The following TENM3 variants were observed in gnomAD, a reference collection of about 807,000 sequenced individuals.
The protein encoded by TENM3 is teneurin-3.
In TENM3, 63 loss-of-function variants were observed where a neutral mutation model predicts 255.1. The ratio of observed to expected loss-of-function variants is 0.25; its 90% CI spans 0.20 to 0.30. The LOEUF (loss-of-function observed/expected upper bound fraction) is 0.30. Among genes scored for constraint, TENM3 ranks in the 10% least tolerant of loss-of-function variants. TENM3 has a pLI of 1.00. For synonymous variants in TENM3, 1,306 were observed against 1,322.3 expected (o/e 0.99, Z 0.27); for missense variants, 2,929 against 3,461.1 (o/e 0.85, Z 3.86).
the TENM3 span, among the ~76,000 whole-genome samples, chr4:181,746,994 A>T: frequency 1.3e-5 from 2 of 152,064 alleles, no homozygotes. Context: ...GCATATGTAT[A>T]TATTTGAGAA....
chr4:181,491,043 CTGTT>C, the TENM3 span, among the ~76,000 whole-genome samples: 3 of 151,900 alleles, frequency 2.0e-5, no homozygotes, highest in Non-Finnish European at 4.4e-5. Flanking sequence ...AATTTTGACT[CTGTT>C]TGTAAGTTTT....
chr4:181,947,449 T>C, the TENM3 span, among the ~76,000 whole-genome samples: 1 of 152,200 alleles, frequency 6.6e-6, no homozygotes, highest in Non-Finnish European at 1.5e-5. Flanking sequence ...AGCGCTGGTA[T>C]TTCTACAATC....
chr4:181,908,413 C>T, the TENM3 span, among the ~76,000 whole-genome samples: 3 of 152,292 alleles, frequency 2.0e-5, no homozygotes, highest in East Asian at 1.9e-4. Context: ...AGCCCAACTA[C>T]ACTGTGCTCA....
At chr4:182,578,385 T>TTATGTTTCCTGCA (rs1395955044) in intron 3 of TENM3, among the ~76,000 whole-genome samples, 1 of 152,192 alleles carries the variant, frequency 6.6e-6, no homozygotes. Context: ...TTCCTGCATA[T>TTATGTTTCCTGCA]TGTTCTCCCC....
At chr4:181,472,728 G>A in the TENM3 span, among the ~76,000 whole-genome samples, 1 of 152,182 alleles carries the variant, frequency 6.6e-6, no homozygotes, top group Non-Finnish European at 1.5e-5. Context: ...GGAACATTGG[G>A]TCTTTGTTTC....
At chr4:181,862,583 G>C in the TENM3 span, among the ~76,000 whole-genome samples, 1 of 152,072 alleles carries the variant, frequency 6.6e-6, no homozygotes, top group African/African-American at 2.4e-5. Context: ...GACAAAAAGG[G>C]AGCAAAACAA....
At chr4:182,707,234 A>G (rs1182614055) in intron 12 of TENM3, among the ~76,000 whole-genome samples, 2 of 152,204 alleles carry the variant, frequency 1.3e-5, no homozygotes, top group South Asian at 2.1e-4. Context: ...GAGGGAAGAA[A>G]AAGGAAGAAT....
chr4:182,768,399 A>C (rs1187722636), intron 22 of TENM3, among the ~76,000 whole-genome samples: 2 of 152,196 alleles, frequency 1.3e-5, no homozygotes, highest in African/African-American at 4.8e-5. Context: ...AACAGTCTAA[A>C]TCACTTGATT....
At chr4:181,451,033 G>T in the TENM3 span, among the ~76,000 whole-genome samples, 1 of 151,986 alleles carries the variant, frequency 6.6e-6, no homozygotes, top group African/African-American at 2.4e-5. Flanking sequence ...TATCATCACC[G>T]TTTGTTCTGA....
At chr4:182,410,951 A>C (rs983087170) in intron 3 of TENM3, among the ~76,000 whole-genome samples, 24 of 152,226 alleles carry the variant, frequency 1.6e-4, no homozygotes, top group Non-Finnish European at 3.2e-4. Context: ...AATGTTCATG[A>C]AACGAGCATA....
chr4:182,591,926 G>A (rs1236513723), intron 3 of TENM3, among the ~76,000 whole-genome samples: 3 of 152,060 alleles, frequency 2.0e-5, no homozygotes, highest in African/African-American at 7.2e-5. Flanking sequence ...ATGAGTATAA[G>A]CACCTATTTC....
chr4:181,923,864 G>C, the TENM3 span, among the ~76,000 whole-genome samples: 1 of 152,046 alleles, frequency 6.6e-6, no homozygotes, highest in Non-Finnish European at 1.5e-5. Context: ...ACAGAATTTT[G>C]AACTTAAAAT....
chr4:181,601,596 TTACTCA>T, the TENM3 span, among the ~76,000 whole-genome samples: 1 of 152,218 alleles, frequency 6.6e-6, no homozygotes, highest in Non-Finnish European at 1.5e-5. Context: ...GGAAAACACT[TTACTCA>T]TAAAGTTGAG....
intron 7 of TENM3, among the ~76,000 whole-genome samples, chr4:182,678,826 T>C (rs1755860848): frequency 6.6e-6 from 1 of 152,230 alleles, no homozygotes; most frequent in South Asian, 2.1e-4. Flanking sequence ...TGGATGGAAC[T>C]GGAGCTCATT....
the TENM3 span, among the ~76,000 whole-genome samples, chr4:181,805,167 G>A: frequency 6.6e-6 from 1 of 152,116 alleles, no homozygotes; most frequent in Middle Eastern, 3.2e-3. Flanking sequence ...CCAAGAAAAA[G>A]CTTCAACAAC....
chr4:182,563,186 G>A (rs1198868609), intron 3 of TENM3, among the ~76,000 whole-genome samples: 2 of 152,104 alleles, frequency 1.3e-5, no homozygotes, highest in South Asian at 2.1e-4. Context: ...AGGTTGAGGC[G>A]GGTGGATCAC....
the TENM3 span, among the ~76,000 whole-genome samples, chr4:181,846,999 T>C: frequency 6.6e-6 from 1 of 152,218 alleles, no homozygotes; most frequent in East Asian, 1.9e-4. Context: ...TGCTGTCCCA[T>C]CCCCTAGGCC....
the TENM3 span, among the ~76,000 whole-genome samples, chr4:181,722,937 G>A: frequency 6.6e-6 from 1 of 152,040 alleles, no homozygotes; most frequent in African/African-American, 2.4e-5. Flanking sequence ...AATGGGCCAG[G>A]CTAGATGGAC....
the TENM3 span, among the ~76,000 whole-genome samples, chr4:182,032,037 C>T: frequency 6.6e-6 from 1 of 152,096 alleles, no homozygotes; most frequent in Non-Finnish European, 1.5e-5. Flanking sequence ...ATCTGAACAC[C>T]CTTTATTTTT....
Sources: gnomAD v4.1 joint callset for allele counts (sites outside exome capture counted in the v4.1 genomes callset) on GRCh38, gnomAD v4.1.1 for gene constraint, MANE v1.5 for transcripts, NCBI Gene and HGNC (gene_info 2026-07-23, HGNC 2026-07-21) for gene names.